Variants in UGT2A2 observed in about 807,000 individuals in gnomAD.
The protein encoded by UGT2A2 is UDP glucuronosyltransferase family 2 member A2.
UGT2A2 carries 60 observed loss-of-function variants against 50.7 expected under a neutral mutation model. The ratio of observed to expected loss-of-function variants is 1.18; its 90% confidence interval spans 0.96 to 1.47. UGT2A2 has a LOEUF of 1.47. Ranked by LOEUF, UGT2A2 falls within the 40% of genes most tolerant of loss-of-function variation. The pLI, the probability that UGT2A2 is intolerant of heterozygous loss-of-function variation, is 0.00. For synonymous variants in UGT2A2, 242 were observed against 214.6 expected, an observed-to-expected ratio of 1.13 and a Z score of -1.11; for missense variants, 762 against 634.0, an observed-to-expected ratio of 1.20 and a Z score of -2.17.
At chr4:69,632,884 TCA>T in intron 1 of UGT2A2, among the ~76,000 whole-genome samples, 1 of 133,158 alleles carries the variant, frequency 7.5e-6, no homozygotes, top group African/African-American at 3.1e-5. Flanking sequence ...CAAGACTCGG[TCA>T]AAAAAAAAAA....
At chr4:69,625,046 A>G (rs1720964108) in intron 1 of UGT2A2, among the ~76,000 whole-genome samples, 1 of 151,280 alleles carries the variant, frequency 6.6e-6, no homozygotes, top group Admixed American at 6.6e-5. Context: ...TTGGCTGGGT[A>G]TTAAATTTGC....
chr4:69,594,819 G>A (rs1718821826), intron 4 of UGT2A2, 123 bp from the exon 5 acceptor site: 8 of 1,223,554 alleles, frequency 6.5e-6, no homozygotes, highest in Non-Finnish European at 9.0e-6. Flanking sequence ...TTCTACAAAA[G>A]CAGATCACAT....
chr4:69,599,157 A>G, intron 2 of UGT2A2, 89 bp downstream of exon 2: 1 of 1,456,948 alleles, frequency 6.9e-7, no homozygotes, highest in South Asian at 1.5e-5. Flanking sequence ...GTCCAGCAGC[A>G]TTTATTTGTT....
intron 1 of UGT2A2, among the ~76,000 whole-genome samples, chr4:69,620,085 G>A (rs1395067171): frequency 6.6e-6 from 1 of 151,988 alleles, no homozygotes; most frequent in Non-Finnish European, 1.5e-5. Flanking sequence ...AGACAAGTAT[G>A]CCCTCTCTCA....
intron 1 of UGT2A2, among the ~76,000 whole-genome samples, chr4:69,637,260 AT>A (rs1361850353): frequency 6.6e-6 from 1 of 152,120 alleles, no homozygotes; most frequent in Non-Finnish European, 1.5e-5. Flanking sequence ...ATAAACTCAA[AT>A]TTTATTTACC....
At chr4:69,627,265 G>C (rs1246218488) in intron 1 of UGT2A2, among the ~76,000 whole-genome samples, 1 of 151,486 alleles carries the variant, frequency 6.6e-6, no homozygotes, top group Non-Finnish European at 1.5e-5. Flanking sequence ...ATTACTCAGA[G>C]ATTTATAAAA....
At chr4:69,611,300 T>TTTTTTTTTTTTTTTTTTTGG (rs1553904914) in intron 1 of UGT2A2, among the ~76,000 whole-genome samples, 1 of 148,960 alleles carries the variant, frequency 6.7e-6, no homozygotes, top group Admixed American at 6.7e-5. Flanking sequence ...CAGCTATTCT[T>TTTTTTTTTTTTTTTTTTTGG]AATGCTATTA....
Position 69,591,902 on chromosome 4 carries a change from G to A in UGT2A2, c.1332-2251C>T, listed in dbSNP as rs529432188. Among the ~76,000 whole-genome samples, 5 of 152,250 alleles carry A rather than the reference G, an allele frequency of 3.3e-5. No homozygotes were observed. In the East Asian group the frequency reaches 9.6e-4, roughly 29 times the overall value. Reference sequence around the variant, plus strand: ...TCAAAAAAAGATCATACTGAGCCTTGCTGAAGCTCCTAACCCACCACTTAG... The same window carrying A: ...TCAAAAAAAGATCATACTGAGCCTTACTGAAGCTCCTAACCCACCACTTAG... On this transcript the variant is annotated intron_variant, in intron 5 of 5. Transcript: ENST00000604629.
At chr4:69,596,662 T>C (rs893513231) in intron 2 of UGT2A2, among the ~76,000 whole-genome samples, 1 of 151,874 alleles carries the variant, frequency 6.6e-6, no homozygotes, top group Admixed American at 6.5e-5. Flanking sequence ...ACTGGGATTA[T>C]AGTCTCATGC....
At chr4:69,607,702 T>C (rs1261768117) in intron 1 of UGT2A2, among the ~76,000 whole-genome samples, 1 of 151,956 alleles carries the variant, frequency 6.6e-6, no homozygotes, top group African/African-American at 2.4e-5. Flanking sequence ...GAATCTACAA[T>C]GAACTCAAAC....
At chr4:69,597,621 CTTAGT>C (rs1452471589) in intron 2 of UGT2A2, among the ~76,000 whole-genome samples, 2 of 151,982 alleles carry the variant, frequency 1.3e-5, no homozygotes, top group African/African-American at 4.8e-5. Context: ...CTATTTTTGG[CTTAGT>C]TAATGTCAGG....
intron 1 of UGT2A2, among the ~76,000 whole-genome samples, chr4:69,619,114 C>G (rs183949583): frequency 4.0e-5 from 6 of 151,776 alleles, no homozygotes; most frequent in African/African-American, 7.3e-5. Flanking sequence ...TTTTAATATA[C>G]AGGCCACCTG....
chr4:69,599,647 A>C (rs1337149953), intron 1 of UGT2A2: 1 of 373,690 alleles, frequency 2.7e-6, no homozygotes, highest in African/African-American at 2.1e-5. Context: ...GAGAGAGAGG[A>C]AAGCAAGGAA....
intron 1 of UGT2A2, among the ~76,000 whole-genome samples, chr4:69,627,305 AT>A (rs1361873774): frequency 6.6e-5 from 10 of 151,926 alleles, no homozygotes; most frequent in Non-Finnish European, 1.3e-4. Context: ...ATGGAAAAAT[AT>A]TTGTCTTATA....
At chr4:69,600,292 T>G (rs1719198362) in intron 1 of UGT2A2, among the ~76,000 whole-genome samples, 1 of 152,164 alleles carries the variant, frequency 6.6e-6, no homozygotes, top group African/African-American at 2.4e-5. Context: ...TGGACATGGT[T>G]TGTGTGCACT....
rs371908248 is a variant in UGT2A2, at chr4:69,607,167, T to C, written c.743-7773A>G. ...GGCATCACACTACCTGACTTCAAACTATACTGCAAGGCTACAGTAACCAAA... is the reference window on the plus strand; with the variant it reads ...GGCATCACACTACCTGACTTCAAACCATACTGCAAGGCTACAGTAACCAAA... On this transcript the variant is annotated intron_variant, in intron 1 of 5. Coordinates refer to ENST00000604629, the MANE Select transcript of UGT2A2 (RefSeq NM_001105677.2). Among the ~76,000 whole-genome samples, 3 of 135,334 alleles carry C rather than the reference T, an allele frequency of 2.2e-5. No homozygotes were observed. The East Asian group carries it at 5.9e-4, about 27-fold the overall frequency. The allele number at this position is 135,334 out of a possible 152,430, so 88.8% of individuals were successfully genotyped here.
At chr4:69,606,828 T>A (rs1719655039) in intron 1 of UGT2A2, among the ~76,000 whole-genome samples, 1 of 135,932 alleles carries the variant, frequency 7.4e-6, no homozygotes, top group Non-Finnish European at 1.6e-5. Context: ...CACAATTGCT[T>A]CAAAGAGAAT....
intron 1 of UGT2A2, among the ~76,000 whole-genome samples, chr4:69,634,826 A>T (rs1439747822): frequency 6.6e-6 from 1 of 152,188 alleles, no homozygotes; most frequent in African/African-American, 2.4e-5. Context: ...ATGGTAAACA[A>T]TGCATGATTT....
chr4:69,598,734 C>T (rs1719079520), intron 2 of UGT2A2, among the ~76,000 whole-genome samples: 1 of 151,962 alleles, frequency 6.6e-6, no homozygotes, highest in South Asian at 2.1e-4. Context: ...CAATTGTTTC[C>T]TAACAGTAGA....
Sources: allele counts gnomAD v4.1 joint callset (sites outside exome capture counted in the v4.1 genomes callset), GRCh38; gene constraint gnomAD v4.1.1; transcripts MANE v1.5; gene names NCBI Gene and HGNC (gene_info 2026-07-23, HGNC 2026-07-21).